FAM168A: variants seen among roughly 807,000 people sequenced by gnomAD.
FAM168A encodes family with sequence similarity 168 member A, also known as protein FAM168A.
FAM168A carries 3 observed loss-of-function variants against 28.5 expected under a neutral mutation model. The observed-to-expected ratio is 0.11, with a 90% CI of 0.05 to 0.27. The LOEUF is 0.27. FAM168A is among the 10% of genes least tolerant of loss of function. The probability of loss-of-function intolerance (pLI) is 1.00; values close to 1 mark genes in which losing one functional copy is unlikely to be tolerated. For synonymous variants in FAM168A, 122 were observed against 124.2 expected (o/e 0.98, Z 0.12); for missense variants, 222 against 311.5 (o/e 0.71, Z 2.16).
In FAM168A at chr11:73,544,996, A is replaced by AT. The variant is rs1213137870; in HGVS notation, c.-19+52926dup. Among the ~76,000 whole-genome samples the AT allele has an allele frequency of 1.0e-4, 9 of 86,274 alleles. 2 individuals carry two copies. The highest frequency in any genetic ancestry group is 6.3e-4 in the African/African-American group (9 of 14,272). The allele number at this position is 86,274 out of a possible 152,430, so 56.6% of individuals were successfully genotyped here. A position where few individuals can be genotyped will look rare whatever the true frequency, so the allele number is the denominator to read the frequency against. On this transcript the variant is annotated intron_variant, in intron 1 of 7. Coordinates refer to ENST00000356467, the MANE Select transcript of FAM168A (RefSeq NM_015159.3). ...TTATATAATATATTTTATATATAGT[A>AT]TATATAATATACTATATATATAGTA...
chr11:73,478,202 A>C (rs779730039), intron 1 of FAM168A, among the ~76,000 whole-genome samples: 14 of 152,234 alleles, frequency 9.2e-5, no homozygotes, highest in Non-Finnish European at 1.6e-4. Context: ...AATAAGTTAT[A>C]ATAAATTAAG....
chr11:73,409,246 C>A (rs1565232421), intron 6 of FAM168A, among the ~76,000 whole-genome samples: 1 of 152,182 alleles, frequency 6.6e-6, no homozygotes, highest in African/African-American at 2.4e-5. Context: ...CACCACCCTT[C>A]CCTCTTTCAC....
intron 2 of FAM168A, among the ~76,000 whole-genome samples, chr11:73,446,529 A>G (rs188991479): frequency 9.2e-5 from 14 of 152,344 alleles, no homozygotes; most frequent in African/African-American, 3.1e-4. Flanking sequence ...CTCTGGCCTC[A>G]GTACCCCCAA....
chr11:73,436,295 T>C (rs1867084594), intron 2 of FAM168A, among the ~76,000 whole-genome samples: 1 of 152,164 alleles, frequency 6.6e-6, no homozygotes, highest in Non-Finnish European at 1.5e-5. Context: ...TCAACAGAAA[T>C]CAGGGGACTA....
chr11:73,499,104 C>T (rs953836043), intron 1 of FAM168A, among the ~76,000 whole-genome samples: 7 of 152,174 alleles, frequency 4.6e-5, no homozygotes, highest in African/African-American at 1.7e-4. Context: ...ATCCTACTGG[C>T]ATCAGGCTGG....
intron 1 of FAM168A, among the ~76,000 whole-genome samples, chr11:73,562,704 G>A (rs2134707876): frequency 6.6e-6 from 1 of 152,244 alleles, no homozygotes; most frequent in South Asian, 2.1e-4. Context: ...GTGGGCGCCT[G>A]TAATCCCAGC....
chr11:73,433,076 CTTTTTTTTTTTT>C (rs34994742), intron 2 of FAM168A, among the ~76,000 whole-genome samples: 6 of 80,592 alleles, frequency 7.4e-5, no homozygotes, highest in Non-Finnish European at 1.1e-4. Flanking sequence ...CACGCCCCGC[CTTTTTTTTTTTT>C]TTTTTTTTTT....
chr11:73,583,508 G>A (rs1284462540), intron 1 of FAM168A, among the ~76,000 whole-genome samples: 5 of 152,150 alleles, frequency 3.3e-5, no homozygotes, highest in African/African-American at 9.7e-5. Context: ...CACTGCAAGT[G>A]GAAGAGACCA....
intron 1 of FAM168A, among the ~76,000 whole-genome samples, chr11:73,552,727 T>G (rs1241104858): frequency 6.6e-6 from 1 of 152,138 alleles, no homozygotes; most frequent in South Asian, 2.1e-4. Flanking sequence ...GAGGCCAAGA[T>G]GGGTGGATCC....
chr11:73,461,968 A>C (rs1358407341), intron 2 of FAM168A, among the ~76,000 whole-genome samples: 1 of 152,214 alleles, frequency 6.6e-6, no homozygotes, highest in Non-Finnish European at 1.5e-5. Flanking sequence ...AGAGAAAACA[A>C]ACATTGGCGA....
rs992314063 is a variant in FAM168A at position 73,416,359 on chromosome 11, C to T, written c.277+3515G>A. Among the ~76,000 whole-genome samples the T allele has an allele frequency of 1.2e-4, 18 of 152,172 alleles. No homozygotes were observed. The South Asian group carries it at 1.7e-3, about 14-fold the overall frequency. The stretch of plus-strand genomic sequence containing the variant: ...CTTCAAAGGCTTGATCCTTGCATCA[C>T]GGATGCCTTTTAGACTAATTGGTTT... On this transcript the variant is annotated intron_variant, in intron 4 of 7. Coordinates refer to ENST00000356467, the MANE Select transcript of FAM168A (RefSeq NM_015159.3).
At chr11:73,472,948 T>G (rs754917696) in intron 1 of FAM168A, among the ~76,000 whole-genome samples, 5 of 151,902 alleles carry the variant, frequency 3.3e-5, no homozygotes, top group Non-Finnish European at 7.4e-5. Context: ...TGATATACAA[T>G]CAACACCCCA....
intron 1 of FAM168A, among the ~76,000 whole-genome samples, chr11:73,572,892 A>ATAAT (rs919755476): frequency 6.6e-6 from 1 of 151,898 alleles, no homozygotes. Flanking sequence ...AAATAAATAA[A>ATAAT]TAATTAATTA....
chr11:73,525,598 T>C (rs1313367905), intron 1 of FAM168A, among the ~76,000 whole-genome samples: 1 of 152,184 alleles, frequency 6.6e-6, no homozygotes, highest in East Asian at 1.9e-4. Flanking sequence ...GAACTAATCC[T>C]CCTCTTTTCA....
intron 1 of FAM168A, among the ~76,000 whole-genome samples, chr11:73,548,192 A>G (rs1360974529): frequency 6.6e-6 from 1 of 152,188 alleles, no homozygotes; most frequent in Admixed American, 6.5e-5. Flanking sequence ...CTACTACTAA[A>G]CTATACACTT....
intron 1 of FAM168A, among the ~76,000 whole-genome samples, chr11:73,520,294 C>T (rs1943359616): frequency 6.6e-6 from 1 of 151,934 alleles, no homozygotes; most frequent in African/African-American, 2.4e-5. Context: ...GTGATCCACC[C>T]GCCTCAGCCT....
intron 2 of FAM168A, among the ~76,000 whole-genome samples, chr11:73,438,620 A>C (rs1167227879): frequency 6.6e-6 from 1 of 152,212 alleles, no homozygotes; most frequent in East Asian, 1.9e-4. Flanking sequence ...TTAATCAAAA[A>C]ATAACAGGAA....
intron 1 of FAM168A, among the ~76,000 whole-genome samples, chr11:73,550,348 A>C (rs1339261178): frequency 2.0e-5 from 3 of 152,328 alleles, no homozygotes; most frequent in African/African-American, 4.8e-5. Context: ...GATAAATCCC[A>C]ATTAAGTTTT....
rs1482423968 is a variant in FAM168A, at chr11:73,477,964, GATAGATAA to G, written c.-18-9480_-18-9473del. Reference sequence around the variant, plus strand: ...AGATAGATAGATAGATAGATAGATAGATAGATAAAACAAGGTATAAATATTTTTCGTGT... The same window carrying G: ...AGATAGATAGATAGATAGATAGATAGAACAAGGTATAAATATTTTTCGTGT... On this transcript the variant is annotated intron_variant, in intron 1 of 7. Transcript: ENST00000356467. 7.2e-5 allele frequency among the ~76,000 whole-genome samples: 10 copies of G among 138,636 alleles called. No homozygotes were observed. The South Asian group carries it at 1.6e-3, about 22-fold the overall frequency. 91.0% of individuals were successfully genotyped at this position (138,636 alleles called of 152,430 possible).
Sources: gnomAD v4.1 joint callset for allele counts (sites outside exome capture counted in the v4.1 genomes callset) on GRCh38, gnomAD v4.1.1 for gene constraint, MANE v1.5 for transcripts, NCBI Gene and HGNC (gene_info 2026-07-23, HGNC 2026-07-21) for gene names.